The following FAAP20 variants were observed in gnomAD, a reference collection of about 807,000 sequenced individuals.
The protein encoded by FAAP20 is FA core complex associated protein 20, also known as Fanconi anemia core complex-associated protein 20.
FAAP20 carries 12 observed loss-of-function variants against 16.2 expected under a neutral mutation model. The observed-to-expected ratio is 0.74, with a 90% confidence interval of 0.48 to 1.20. The LOEUF (loss-of-function observed/expected upper bound fraction) is 1.20. Ranked by LOEUF, FAAP20 falls within the 50% of genes most tolerant of loss-of-function variation. The probability of loss-of-function intolerance (pLI) is 0.00; values close to 1 mark genes in which losing one functional copy is unlikely to be tolerated. For synonymous variants in FAAP20, 141 were observed against 110.7 expected, an observed-to-expected ratio of 1.27 and a Z score of -1.72; for missense variants, 288 against 245.8, an observed-to-expected ratio of 1.17 and a Z score of -1.15.
chr1:2,194,972 G>C (rs567428402), upstream of FAAP20, among the ~76,000 whole-genome samples: 1 of 151,972 alleles, frequency 6.6e-6, no homozygotes, highest in African/African-American at 2.4e-5. Flanking sequence ...GGGCCCAGGT[G>C]GGGGAGCCCC....
At chr1:2,199,000 G>A (rs1688936587), upstream of FAAP20, 1 of 1,274,978 alleles carries the variant, frequency 7.8e-7, no homozygotes, top group Non-Finnish European at 1.0e-6. Context: ...GGGTGCAAGA[G>A]TAGGGGTGTG....
Position 2,189,633 on chromosome 1 carries a change from G to C in FAAP20, c.*76C>G, listed in dbSNP as rs1172380846. ...CCGAGAGGCGGGGCTGCTGGCGGGG[G>C]AGCCGAGAGGCGGGGCTGCTGGCGG... On this transcript the variant is annotated 3_prime_UTR_variant, in exon 4 of 4. Transcript: ENST00000378546. 8.0e-7 allele frequency: 1 copy of C among 1,242,300 alleles called. No homozygotes were observed. Among genetic ancestry groups the C allele is most frequent in the Non-Finnish European group, 1.2e-6 (1 of 857,058 alleles). 77.0% of individuals were successfully genotyped at this position (1,242,300 alleles called of 1,614,324 possible).
At chr1:2,211,431 A>AT (rs1557797961), downstream of FAAP20, among the ~76,000 whole-genome samples, 3 of 15,320 alleles carry the variant, frequency 2.0e-4, no homozygotes, top group Admixed American at 1.0e-3. Flanking sequence ...ATATATATAT[A>AT]TATATTTTTT....
downstream of FAAP20, among the ~76,000 whole-genome samples, chr1:2,211,422 TATATATATA>T (rs1689437657): frequency 3.4e-5 from 1 of 29,088 alleles, no homozygotes; most frequent in African/African-American, 2.2e-4. Flanking sequence ...TATATATATA[TATATATATA>T]TATATTTTTT....
chr1:2,195,962 A>T (rs1425564987), upstream of FAAP20, among the ~76,000 whole-genome samples: 1 of 152,084 alleles, frequency 6.6e-6, no homozygotes, highest in Non-Finnish European at 1.5e-5. Flanking sequence ...CTGCCCGGGC[A>T]GGGGGAGGGG....
At chr1:2,201,083 A>G (rs946688244), upstream of FAAP20, 2 of 1,289,218 alleles carry the variant, frequency 1.6e-6, no homozygotes, top group African/African-American at 3.0e-5. Context: ...GTCATAGGAA[A>G]CTGTGCTTGG....
chr1:2,187,058 ACT>A (rs1157444734), downstream of FAAP20: 10 of 370,738 alleles, frequency 2.7e-5, no homozygotes, highest in Non-Finnish European at 5.1e-5. Flanking sequence ...GTTCTCGAAA[ACT>A]CTGGTGACTT....
upstream of FAAP20, chr1:2,199,196 C>T (rs1205861612): frequency 1.7e-5 from 20 of 1,169,756 alleles, no homozygotes; most frequent in African/African-American, 4.8e-5. This position sits in a 1 kb window ranked among gnomAD's most constrained non-coding sequence, Gnocchi z 4.5. Flanking sequence ...CCAGCATCCC[C>T]GACCAGACAG....
At chr1:2,196,733 G>A, upstream of FAAP20, among the ~76,000 whole-genome samples, 1 of 152,278 alleles carries the variant, frequency 6.6e-6, no homozygotes, top group South Asian at 2.1e-4. This position sits in a 1 kb window ranked among gnomAD's most constrained non-coding sequence, Gnocchi z 4.5. Context: ...CCAACTACTT[G>A]GGTGGCTGAG....
upstream of FAAP20, chr1:2,198,952 C>A (rs1688934398): frequency 7.8e-7 from 1 of 1,289,360 alleles, no homozygotes; most frequent in Non-Finnish European, 1.0e-6. Flanking sequence ...ATCGCCAGAT[C>A]TTTGGGGCAG....
chr1:2,194,426 T>G (rs1688646536), intron 1 of FAAP20, among the ~76,000 whole-genome samples: 1 of 107,280 alleles, frequency 9.3e-6, no homozygotes, highest in Non-Finnish European at 1.9e-5. Context: ...GGTAGAGGGT[T>G]AGATGGGGGG....
upstream of FAAP20, among the ~76,000 whole-genome samples, chr1:2,197,508 C>T (rs1557787584): frequency 6.6e-6 from 1 of 152,202 alleles, no homozygotes; most frequent in Non-Finnish European, 1.5e-5. Flanking sequence ...TGGCTCCAGC[C>T]CGCATCACTG....
At chr1:2,208,243 T>C (rs1046371526), downstream of FAAP20, among the ~76,000 whole-genome samples, 1 of 152,062 alleles carries the variant, frequency 6.6e-6, no homozygotes, top group African/African-American at 2.4e-5. Flanking sequence ...ACACAGACCA[T>C]GGCCCTGGGT....
At chr1:2,207,237 C>G (rs1689294845), downstream of FAAP20, among the ~76,000 whole-genome samples, 1 of 152,046 alleles carries the variant, frequency 6.6e-6, no homozygotes, top group Admixed American at 6.5e-5. Context: ...TGGGCAGGCC[C>G]ACATGGCCTG....
downstream of FAAP20, chr1:2,185,519 G>A (rs1687456394): frequency 2.8e-6 from 2 of 716,278 alleles, no homozygotes; most frequent in Admixed American, 2.0e-5. Context: ...AGTACCTGTG[G>A]GGACACACCG....
chr1:2,202,061 C>G (rs1033943696), upstream of FAAP20, among the ~76,000 whole-genome samples: 2 of 151,800 alleles, frequency 1.3e-5, no homozygotes, highest in Admixed American at 6.6e-5. Flanking sequence ...GAAAAAGTGG[C>G]CTGAAAGTTA....
chr1:2,197,899 C>T, upstream of FAAP20: 3 of 1,167,576 alleles, frequency 2.6e-6, no homozygotes, highest in Non-Finnish European at 3.3e-6. Flanking sequence ...CCAATCCCCT[C>T]CCGCCTGACA....
downstream of FAAP20, chr1:2,186,884 C>A: frequency 5.7e-6 from 1 of 174,928 alleles, no homozygotes; most frequent in Non-Finnish European, 1.2e-5. Flanking sequence ...CCAGTTTGGC[C>A]GTTCTTGTAC....
upstream of FAAP20, among the ~76,000 whole-genome samples, chr1:2,196,559 G>T (rs186133645): frequency 1.9e-3 from 286 of 151,476 alleles, 3 homozygotes; most frequent in African/African-American, 6.3e-3. The surrounding 1 kb of genome is among the most constrained non-coding windows in gnomAD (Gnocchi z 4.5). Context: ...AAAAAAATAG[G>T]CCAGGTGTGG....
Sources: gnomAD v4.1 joint callset for allele counts (sites outside exome capture counted in the v4.1 genomes callset) on GRCh38, gnomAD v4.1.1 for gene constraint, Gnocchi (gnomAD v3.1) non-coding constraint, MANE v1.5 for transcripts, NCBI Gene and HGNC (gene_info 2026-07-23, HGNC 2026-07-21) for gene names.